Variants in XYLB observed in about 807,000 individuals in gnomAD.
XYLB encodes xylulokinase, also known as xylulose kinase.
Under a neutral mutation model 78.7 loss-of-function variants are expected in XYLB, and 62 were observed. The ratio of observed to expected loss-of-function variants is 0.79; its 90% confidence interval spans 0.64 to 0.97. The LOEUF is 0.97. Among genes scored for constraint, XYLB ranks in the 50% least tolerant of loss-of-function variants. The probability of loss-of-function intolerance (pLI) is 0.00; values close to 1 mark genes in which losing one functional copy is unlikely to be tolerated. For missense variants in XYLB, 687 were observed against 676.8 expected, an observed-to-expected ratio of 1.02 and a Z score of -0.17; for synonymous variants, 245 against 247.4, an observed-to-expected ratio of 0.99 and a Z score of 0.09.
downstream of XYLB, among the ~76,000 whole-genome samples, chr3:38,421,558 TGTA>T (rs1353813247): frequency 6.6e-6 from 1 of 152,158 alleles, no homozygotes; most frequent in Non-Finnish European, 1.5e-5. Flanking sequence ...GAACTGTGAA[TGTA>T]GAGGTCTGGG....
exon 18 of XYLB, among the ~76,000 whole-genome samples, chr3:38,420,379 T>C (rs2125693129): frequency 6.6e-6 from 1 of 152,388 alleles, no homozygotes; most frequent in Middle Eastern, 3.4e-3. Context: ...GTTCCTGATC[T>C]TAGCGGACAG....
chr3:38,433,661 T>A, the XYLB span, among the ~76,000 whole-genome samples: 1 of 152,158 alleles, frequency 6.6e-6, no homozygotes, highest in African/African-American at 2.4e-5. Context: ...TTATTCCAAT[T>A]CCCAAAAAGT....
intron 14 of XYLB, among the ~76,000 whole-genome samples, chr3:38,377,313 G>A (rs1706912035): frequency 6.6e-6 from 1 of 152,104 alleles, no homozygotes; most frequent in South Asian, 2.1e-4. Context: ...AAGAACCCAT[G>A]GATCTTGAGA....
chr3:38,413,018 G>A lies in XYLB; in HGVS notation c.*5G>A. The A allele has an allele frequency of 6.3e-7, 1 of 1,590,060 alleles. No homozygotes were observed. The highest frequency in any genetic ancestry group is 8.5e-7 in the Non-Finnish European group (1 of 1,172,850). ...ACCCGGGGGCCTCCGGAGTGAACAG[G>A]CATCCCTGTTGCCCCTGCCTGCCCA... On this transcript the variant is annotated 3_prime_UTR_variant, in exon 19 of 19. Coordinates refer to ENST00000207870, the MANE Select transcript of XYLB (RefSeq NM_005108.4).
intron 4 of XYLB, 107 bp from the exon 5 acceptor site, chr3:38,365,092 G>A: frequency 1.1e-6 from 1 of 946,958 alleles, no homozygotes; most frequent in South Asian, 1.5e-5. Flanking sequence ...GCAGGGGCAG[G>A]TGTGGAGCCC....
chr3:38,412,999 G>T lies in XYLB; in HGVS notation c.1597G>T (p.Gly533Trp). Residue 533 changes from glycine (G) to tryptophan (W), a missense_variant, in exon 19 of 19, where the codon GGG becomes TGG. Coordinates refer to ENST00000207870, the MANE Select transcript of XYLB (RefSeq NM_005108.4). ...LEQRILSQTR[G>W]PPE ...GCAGAGAATCTTGTCTCAGACCCGG[G>T]GGCCTCCGGAGTGAACAGGCATCCC... 1 of 1,603,424 alleles carries T rather than the reference G, an allele frequency of 6.2e-7. No homozygotes were observed. Among genetic ancestry groups the T allele is most frequent in the Non-Finnish European group, 8.5e-7 (1 of 1,176,590 alleles).
At chr3:38,432,356 C>T in the XYLB span, among the ~76,000 whole-genome samples, 1 of 118,002 alleles carries the variant, frequency 8.5e-6, no homozygotes, top group Non-Finnish European at 1.9e-5. Context: ...ATCTCGAGGT[C>T]AGGAGATTGA....
chr3:38,359,830 A>G (rs991685155), intron 2 of XYLB, among the ~76,000 whole-genome samples: 1 of 152,006 alleles, frequency 6.6e-6, no homozygotes, highest in African/African-American at 2.4e-5. Flanking sequence ...TTCCTAACAC[A>G]TAGTTAAAAG....
the XYLB span, among the ~76,000 whole-genome samples, chr3:38,427,837 C>T: frequency 1.3e-5 from 2 of 152,178 alleles, no homozygotes; most frequent in Admixed American, 6.5e-5. Context: ...AGTGATTCGT[C>T]CACCTTGGCC....
chr3:38,447,779 A>T, the XYLB span, among the ~76,000 whole-genome samples: 2 of 152,230 alleles, frequency 1.3e-5, no homozygotes, highest in Non-Finnish European at 2.9e-5. Flanking sequence ...GAATCAATAT[A>T]TTAAAGGAAT....
At chr3:38,395,337 G>A (rs1707823958) in intron 15 of XYLB, among the ~76,000 whole-genome samples, 168 bp from the exon 16 acceptor site, 1 of 152,162 alleles carries the variant, frequency 6.6e-6, no homozygotes, top group Non-Finnish European at 1.5e-5. Flanking sequence ...GAATGTGACA[G>A]GCCTGCACAC....
intron 18 of XYLB, among the ~76,000 whole-genome samples, chr3:38,401,249 A>G (rs182571151): frequency 7.9e-5 from 12 of 152,124 alleles, no homozygotes; most frequent in Non-Finnish European, 1.8e-4. Context: ...GGGCCCTTCC[A>G]TGTCACTGGG....
chr3:38,418,309 G>A (rs929761113), downstream of XYLB, among the ~76,000 whole-genome samples: 1 of 151,870 alleles, frequency 6.6e-6, no homozygotes, highest in Non-Finnish European at 1.5e-5. Context: ...AAATCAAAGA[G>A]TTTGATAAAA....
the XYLB span, among the ~76,000 whole-genome samples, chr3:38,450,632 G>T: frequency 6.6e-6 from 1 of 152,078 alleles, no homozygotes; most frequent in East Asian, 1.9e-4. Context: ...TCTTGTAGTC[G>T]TTCAAAAGAA....
downstream of XYLB, among the ~76,000 whole-genome samples, chr3:38,419,723 T>A (rs1001876132): frequency 6.6e-6 from 1 of 150,890 alleles, no homozygotes; most frequent in African/African-American, 2.4e-5. Flanking sequence ...CACATTTAAT[T>A]GTTTTGATGC....
intron 15 of XYLB, among the ~76,000 whole-genome samples, chr3:38,388,848 A>G (rs1012495621): frequency 8.1e-4 from 123 of 152,334 alleles, no homozygotes; most frequent in East Asian, 3.9e-4. Flanking sequence ...GGGACTCTAC[A>G]GTGTACCTCT....
chr3:38,436,989 G>A, the XYLB span, among the ~76,000 whole-genome samples: 184 of 144,062 alleles, frequency 1.3e-3, no homozygotes, highest in African/African-American at 4.4e-3. Context: ...GGGCGACAGA[G>A]TGAGACTCCT....
intron 17 of XYLB, among the ~76,000 whole-genome samples, chr3:38,398,108 G>A (rs545495512): frequency 3.7e-4 from 55 of 150,372 alleles, no homozygotes; most frequent in South Asian, 1.3e-3. Flanking sequence ...GTGAGCCACC[G>A]CACCCGGCCT....
intron 2 of XYLB, chr3:38,355,622 A>G (rs1705605633): frequency 1.6e-6 from 1 of 644,394 alleles, no homozygotes; most frequent in Admixed American, 2.3e-5. Context: ...ATGTTCAGCC[A>G]TGTGACTGAG....
Sources: gnomAD v4.1 joint callset for allele counts (sites outside exome capture counted in the v4.1 genomes callset) on GRCh38, gnomAD v4.1.1 for gene constraint, MANE v1.5 for transcripts, NCBI Gene and HGNC (gene_info 2026-07-23, HGNC 2026-07-21) for gene names.